Variants in MAPK10 observed in about 807,000 individuals in gnomAD.
The protein encoded by MAPK10 is mitogen-activated protein kinase 10, also known as JNK3 alpha protein kinase.
In MAPK10, 25 loss-of-function variants were observed where a neutral mutation model predicts 59.3. That is an observed-to-expected ratio of 0.42 (90% confidence interval 0.31 to 0.59). MAPK10 has a LOEUF of 0.59. MAPK10 is among the 20% of genes least tolerant of loss of function. The pLI, the probability that MAPK10 is intolerant of heterozygous loss-of-function variation, is 0.15. For synonymous variants in MAPK10, 190 were observed against 200.5 expected, an observed-to-expected ratio of 0.95 and a Z score of 0.44; for missense variants, 351 against 568.9, an observed-to-expected ratio of 0.62 and a Z score of 3.90.
intron 1 of MAPK10, among the ~76,000 whole-genome samples, chr4:86,390,750 G>A (rs1311250994): frequency 6.6e-6 from 1 of 152,196 alleles, no homozygotes; most frequent in Non-Finnish European, 1.5e-5. Flanking sequence ...GATTTCCTAG[G>A]AGGACAGTAC....
At chr4:86,130,465 G>A (rs531826099) in intron 4 of MAPK10, among the ~76,000 whole-genome samples, 4 of 152,140 alleles carry the variant, frequency 2.6e-5, no homozygotes, top group African/African-American at 9.6e-5. Context: ...AATACTAGAT[G>A]CTAATGGAAA....
At chr4:86,368,853 C>G (rs912854105) in intron 1 of MAPK10, among the ~76,000 whole-genome samples, 4 of 149,526 alleles carry the variant, frequency 2.7e-5, no homozygotes, top group Admixed American at 6.7e-5. Context: ...AAAATAATAT[C>G]AAAGAAGATT....
At chr4:86,408,516 A>C (rs1359751767) in intron 1 of MAPK10, among the ~76,000 whole-genome samples, 1 of 152,312 alleles carries the variant, frequency 6.6e-6, no homozygotes, top group South Asian at 2.1e-4. Flanking sequence ...CACTTCCACC[A>C]ACAGTGTAAA....
At chr4:86,562,629 A>C (rs1760762453) in intron 1 of MAPK10, among the ~76,000 whole-genome samples, 1 of 151,740 alleles carries the variant, frequency 6.6e-6, no homozygotes, top group Admixed American at 6.6e-5. Context: ...TGGGAAGTCG[A>C]GGCTGCAGTG....
chr4:86,491,867 T>A (rs549058677), intron 1 of MAPK10, among the ~76,000 whole-genome samples: 3 of 152,336 alleles, frequency 2.0e-5, no homozygotes, highest in African/African-American at 4.8e-5. Context: ...ATTTTATTTT[T>A]TTAGCTTACA....
chr4:86,517,527 G>A (rs1185727627), intron 1 of MAPK10, among the ~76,000 whole-genome samples: 1 of 151,892 alleles, frequency 6.6e-6, no homozygotes, highest in African/African-American at 2.4e-5. Context: ...TGCCCTTCTC[G>A]GCCTCCCAAA....
chr4:86,190,777 C>A (rs987308207), intron 3 of MAPK10, among the ~76,000 whole-genome samples: 1 of 152,028 alleles, frequency 6.6e-6, no homozygotes, highest in African/African-American at 2.4e-5. Flanking sequence ...TATTTCTTGT[C>A]CTCTGCTATC....
In MAPK10 at chr4:86,414,494, C is replaced by A. The variant is rs1446601285; in HGVS notation, c.-122+38536G>T. ...GCTAGAATTGTTACCACTTTATTAC[C>A]ATAAAGAGAGTCAGCAGTAGAAGAA... On this transcript the variant is annotated intron_variant, in intron 1 of 13. Transcript: ENST00000361569. 2.0e-5 allele frequency among the ~76,000 whole-genome samples: 3 copies of A among 152,170 alleles called. No homozygotes were observed. The East Asian group carries it at 5.8e-4, about 29-fold the overall frequency.
intron 1 of MAPK10, among the ~76,000 whole-genome samples, chr4:86,407,748 T>C (rs190889907): frequency 6.6e-6 from 1 of 152,002 alleles, no homozygotes. Context: ...TATAAAATAA[T>C]TGAAAGAAAA....
At chr4:86,099,835 T>C (rs1204752342) in intron 8 of MAPK10, 1 of 152,208 alleles carries the variant, frequency 6.6e-6, no homozygotes, top group African/African-American at 2.4e-5. Context: ...AAAAATGTCT[T>C]CTTTTCTGAA....
intron 1 of MAPK10, among the ~76,000 whole-genome samples, chr4:86,431,430 A>G (rs1353184635): frequency 6.6e-6 from 1 of 152,242 alleles, no homozygotes; most frequent in African/African-American, 2.4e-5. Context: ...GGCAGTTTAG[A>G]CAAGTGTCAT....
rs1408890324 is a variant in MAPK10 at position 86,340,321 on chromosome 4, G to T, written c.-7+14209C>A. On this transcript the variant is annotated intron_variant, in intron 2 of 13. Coordinates refer to ENST00000641462, the MANE Select transcript of MAPK10 (RefSeq NM_138982.4). ...AAGACCAGATAATTTATGAAGAAAA[G>T]AGGTTTAATTGACTCACAGTTCATC... 4 of 152,876 alleles carry T rather than the reference G, an allele frequency of 2.6e-5. No individual in the cohort carries two copies. In the East Asian group the frequency reaches 7.6e-4, roughly 29 times the overall value. The allele number at this position is 152,876 out of a possible 1,614,324, so 9.5% of individuals were successfully genotyped here.
chr4:86,195,726 C>T (rs1463887816), intron 2 of MAPK10, among the ~76,000 whole-genome samples: 2 of 152,142 alleles, frequency 1.3e-5, no homozygotes, highest in Non-Finnish European at 1.5e-5. Flanking sequence ...CCCCTAGGCC[C>T]CCACCCTGAC....
chr4:86,419,177 T>C (rs1746202424), intron 1 of MAPK10, among the ~76,000 whole-genome samples: 1 of 152,218 alleles, frequency 6.6e-6, no homozygotes, highest in South Asian at 2.1e-4. Context: ...AAACTCTCTT[T>C]ACTGGCTTTA....
chr4:86,294,271 C>T (rs530302521), intron 2 of MAPK10, among the ~76,000 whole-genome samples: 1 of 152,244 alleles, frequency 6.6e-6, no homozygotes, highest in South Asian at 2.1e-4. Flanking sequence ...TTCCTGGGAT[C>T]ACCTCCCAAA....
intron 1 of MAPK10, among the ~76,000 whole-genome samples, chr4:86,470,485 CTAAAA>C (rs1186102984): frequency 6.6e-6 from 1 of 152,062 alleles, no homozygotes; most frequent in African/African-American, 2.4e-5. Flanking sequence ...TTTGATTTAA[CTAAAA>C]TAAATATTTG....
chr4:86,476,453 G>A (rs1753101598), intron 1 of MAPK10, among the ~76,000 whole-genome samples: 1 of 152,108 alleles, frequency 6.6e-6, no homozygotes, highest in Non-Finnish European at 1.5e-5. Context: ...CCCAAAATCA[G>A]TTAGTGTTTA....
chr4:86,429,913 A>G (rs1243732445), intron 1 of MAPK10: 1 of 152,002 alleles, frequency 6.6e-6, no homozygotes, highest in African/African-American at 2.4e-5. Flanking sequence ...GTATACCATT[A>G]CCATTAAAAT....
At chr4:86,567,426 G>C (rs1163062819) in intron 1 of MAPK10, among the ~76,000 whole-genome samples, 1 of 152,112 alleles carries the variant, frequency 6.6e-6, no homozygotes, top group Non-Finnish European at 1.5e-5. Context: ...CACCATATTG[G>C]TCAGGCTGGT....
Sources: gnomAD v4.1 joint callset for allele counts (sites outside exome capture counted in the v4.1 genomes callset) on GRCh38, gnomAD v4.1.1 for gene constraint, MANE v1.5 for transcripts, NCBI Gene and HGNC (gene_info 2026-07-23, HGNC 2026-07-21) for gene names.